ADGRL3: variants seen among roughly 807,000 people sequenced by gnomAD.
The protein encoded by ADGRL3 is calcium-independent alpha-latrotoxin receptor 3.
A neutral mutation model predicts 153.5 loss-of-function variants in ADGRL3; 62 were observed. The observed-to-expected ratio is 0.40, with a 90% confidence interval of 0.33 to 0.50. The LOEUF is 0.50. Ranked by LOEUF, ADGRL3 falls within the 20% of genes least tolerant of loss-of-function variation. The pLI is 0.47. For synonymous variants in ADGRL3, 710 were observed against 672.5 expected, an observed-to-expected ratio of 1.06 and a Z score of -0.86; for missense variants, 1,641 against 1,859.4, an observed-to-expected ratio of 0.88 and a Z score of 2.16.
At chr4:61,528,729 G>C (rs1381428366) in intron 4 of ADGRL3, among the ~76,000 whole-genome samples, 1 of 152,122 alleles carries the variant, frequency 6.6e-6, no homozygotes, top group Non-Finnish European at 1.5e-5. Flanking sequence ...CCATGAGGTG[G>C]AAGGGCCACA....
chr4:61,275,894 C>T (rs1006595056), intron 1 of ADGRL3, among the ~76,000 whole-genome samples: 1 of 152,168 alleles, frequency 6.6e-6, no homozygotes, highest in Non-Finnish European at 1.5e-5. Context: ...AAGAAGTAGA[C>T]ATTTGTGAAT....
At chr4:61,369,411 C>T (rs2096475370) in intron 1 of ADGRL3, among the ~76,000 whole-genome samples, 1 of 152,182 alleles carries the variant, frequency 6.6e-6, no homozygotes, top group Admixed American at 6.5e-5. Context: ...CCCATCAATA[C>T]CTAATTTATT....
At chr4:61,869,279 T>C (rs1017154365) in intron 9 of ADGRL3, among the ~76,000 whole-genome samples, 2 of 152,062 alleles carry the variant, frequency 1.3e-5, no homozygotes, top group African/African-American at 4.8e-5. Flanking sequence ...TTTACCAAGT[T>C]CCTATTATGT....
Position 61,586,799 on chromosome 4 carries a change from T to C in ADGRL3, c.260-428T>C, listed in dbSNP as rs569307854. Among the ~76,000 whole-genome samples the C allele has an allele frequency of 2.0e-5, 3 of 152,190 alleles. No individual in the cohort carries two copies. The South Asian group carries it at 6.2e-4, about 32-fold the overall frequency. The stretch of plus-strand genomic sequence containing the variant: ...GTAAAATTGAAATAGATTACTTAAA[T>C]AAGTATATTTAAAGTCAACAATAGT... On this transcript the variant is annotated intron_variant, in intron 4 of 26. Transcript: ENST00000683033.
intron 21 of ADGRL3, among the ~76,000 whole-genome samples, chr4:62,025,147 A>AT (rs1344583126): frequency 6.6e-6 from 1 of 152,004 alleles, no homozygotes; most frequent in African/African-American, 2.4e-5. Flanking sequence ...AAATGTTTAG[A>AT]TTTTTTTTCT....
chr4:61,427,143 T>A (rs1000964587), intron 2 of ADGRL3: 1 of 152,202 alleles, frequency 6.6e-6, no homozygotes, highest in Non-Finnish European at 1.5e-5. Context: ...TCAACACAAG[T>A]TCCCTCATGT....
rs1018040466 is a variant in ADGRL3, at chr4:61,325,090, A to G, written c.-239-58034A>G. 7.9e-5 allele frequency among the ~76,000 whole-genome samples: 12 copies of G among 152,174 alleles called. No individual in the cohort carries two copies. In the East Asian group the frequency reaches 2.3e-3, roughly 29 times the overall value. ...GCACTTTGGGAAGCTGAAGTGGGTG[A>G]ATCACGAGGTCAGGAGATCGAGACC... On this transcript the variant is annotated intron_variant, in intron 1 of 26. Coordinates refer to ENST00000683033, the MANE Select transcript of ADGRL3 (RefSeq NM_001387552.1).
Position 61,421,290 on chromosome 4 carries a change from C to T in ADGRL3, c.-174+38101C>T, listed in dbSNP as rs965304354. On this transcript the variant is annotated intron_variant, in intron 2 of 26. Transcript: ENST00000683033. ...CGGAGCTTGCAGTGAGCCAAGAGCA[C>T]GCCACTGCACTCCAGCCTGGGCGAC... Among the ~76,000 whole-genome samples the T allele has an allele frequency of 5.3e-5, 8 of 151,992 alleles. No individual in the cohort carries two copies. In the East Asian group the frequency reaches 7.8e-4, roughly 15 times the overall value.
intron 1 of ADGRL3, among the ~76,000 whole-genome samples, chr4:61,260,195 A>T (rs534851625): frequency 1.3e-5 from 2 of 152,336 alleles, no homozygotes; most frequent in East Asian, 3.9e-4. Context: ...GGGTATTTGA[A>T]ACCTAACGAT....
At chr4:61,937,442 A>G (rs1696958409) in intron 15 of ADGRL3, among the ~76,000 whole-genome samples, 1 of 150,946 alleles carries the variant, frequency 6.6e-6, no homozygotes, top group African/African-American at 2.4e-5. Flanking sequence ...TCTTCTTAGA[A>G]TACAATTTTT....
chr4:62,057,564 A>G (rs956102367), intron 25 of ADGRL3, among the ~76,000 whole-genome samples: 4 of 152,194 alleles, frequency 2.6e-5, no homozygotes, highest in African/African-American at 9.6e-5. Context: ...TTTTTTCAAT[A>G]TGGAATACGA....
chr4:61,220,947 A>G lies in ADGRL3; in HGVS notation c.-240+19182A>G, dbSNP rs570198200. ...ATATGGACTGTAAAATACAGTTTGC[A>G]TACTTTTCATTTTAGGACAGACATA... On this transcript the variant is annotated intron_variant, in intron 1 of 26. Transcript: ENST00000683033. Among the ~76,000 whole-genome samples, 154 of 152,332 alleles carry G rather than the reference A, an allele frequency of 1.0e-3. 1 individual carries two copies. Among genetic ancestry groups the G allele is most frequent in the African/African-American group, 3.5e-3 (146 of 41,588 alleles).
At chr4:61,659,647 A>C (rs1012689860) in intron 5 of ADGRL3, among the ~76,000 whole-genome samples, 3 of 152,208 alleles carry the variant, frequency 2.0e-5, no homozygotes, top group African/African-American at 7.2e-5. Flanking sequence ...TCGAGAACAA[A>C]GAGAAGTTAG....
chr4:61,221,458 T>C (rs775886270), intron 1 of ADGRL3, among the ~76,000 whole-genome samples: 1 of 152,162 alleles, frequency 6.6e-6, no homozygotes, highest in Non-Finnish European at 1.5e-5. Context: ...TCGTCTGTTC[T>C]CTAATTATAG....
chr4:61,909,801 GTC>G (rs1491031105), intron 12 of ADGRL3, 56 bp downstream of exon 12: 8 of 1,118,066 alleles, frequency 7.2e-6, no homozygotes, highest in Non-Finnish European at 9.7e-6. Flanking sequence ...GTGTGTGTGT[GTC>G]TTTAAAGTTG....
chr4:61,315,821 A>G (rs1035207372), intron 1 of ADGRL3, among the ~76,000 whole-genome samples: 4 of 152,192 alleles, frequency 2.6e-5, no homozygotes, highest in Non-Finnish European at 5.9e-5. Flanking sequence ...CTTCTTGGCA[A>G]CAAGTTAAAT....
At chr4:61,355,635 A>G (rs2096149840) in intron 1 of ADGRL3, among the ~76,000 whole-genome samples, 1 of 152,088 alleles carries the variant, frequency 6.6e-6, no homozygotes, top group Non-Finnish European at 1.5e-5. Context: ...ATCCAAGTCT[A>G]TTTAGACAAA....
intron 21 of ADGRL3, among the ~76,000 whole-genome samples, chr4:62,025,643 T>C (rs1316179972): frequency 1.3e-5 from 2 of 152,148 alleles, no homozygotes; most frequent in African/African-American, 4.8e-5. Flanking sequence ...GATGCGTTAG[T>C]ATATATTACC....
At chr4:61,926,429 C>A (rs536704423) in intron 13 of ADGRL3, among the ~76,000 whole-genome samples, 1 of 152,224 alleles carries the variant, frequency 6.6e-6, no homozygotes, top group Admixed American at 6.5e-5. Flanking sequence ...GCACCTCTTT[C>A]TTTTCCTCAT....
Sources: gnomAD v4.1 joint callset for allele counts (sites outside exome capture counted in the v4.1 genomes callset) on GRCh38, gnomAD v4.1.1 for gene constraint, MANE v1.5 for transcripts, NCBI Gene and HGNC (gene_info 2026-07-23, HGNC 2026-07-21) for gene names.